Variants in GALNTL6 observed in about 807,000 individuals in gnomAD.
GALNTL6 encodes polypeptide N-acetylgalactosaminyltransferase like 6.
In GALNTL6, 46 loss-of-function variants were observed where a neutral mutation model predicts 73.7. That is an observed-to-expected ratio of 0.62 (90% CI 0.49 to 0.80). GALNTL6 has a LOEUF of 0.80. GALNTL6 is among the 30% of genes least tolerant of loss of function. The pLI is 0.00. For missense variants in GALNTL6, 604 were observed against 755.0 expected, an observed-to-expected ratio of 0.80 and a Z score of 2.34; for synonymous variants, 259 against 263.7, an observed-to-expected ratio of 0.98 and a Z score of 0.17.
chr4:171,940,698 T>A (rs955708455), intron 2 of GALNTL6, among the ~76,000 whole-genome samples: 4 of 151,820 alleles, frequency 2.6e-5, no homozygotes, highest in African/African-American at 7.2e-5. Context: ...GTGGCATGCA[T>A]CTATAATCCA....
chr4:172,337,586 C>G (rs1340230316), intron 4 of GALNTL6, among the ~76,000 whole-genome samples: 1 of 151,422 alleles, frequency 6.6e-6, no homozygotes, highest in Non-Finnish European at 1.5e-5. Flanking sequence ...GGCTATAGGC[C>G]TCAATCTCTT....
intron 5 of GALNTL6, among the ~76,000 whole-genome samples, chr4:172,357,632 T>C (rs1487865762): frequency 0.012 from 89 of 7,646 alleles, no homozygotes; most frequent in African/African-American, 0.016. Context: ...TATATAGATA[T>C]ATACACACAC....
intron 2 of GALNTL6, among the ~76,000 whole-genome samples, chr4:171,967,158 AC>A (rs1292677986): frequency 6.6e-6 from 1 of 152,196 alleles, no homozygotes; most frequent in Non-Finnish European, 1.5e-5. Context: ...GTTTTACATA[AC>A]TGATACCGTA....
chr4:172,903,260 TAA>T (rs139293428), intron 8 of GALNTL6, among the ~76,000 whole-genome samples: 4 of 152,136 alleles, frequency 2.6e-5, no homozygotes, highest in African/African-American at 9.7e-5. Flanking sequence ...CTCTCCTTCC[TAA>T]AAAAAGATGG....
At chr4:172,586,239 A>G (rs990930873) in intron 5 of GALNTL6, among the ~76,000 whole-genome samples, 2 of 152,190 alleles carry the variant, frequency 1.3e-5, no homozygotes, top group African/African-American at 4.8e-5. Context: ...AATAAGTGCT[A>G]ATTTTCTTAC....
At chr4:172,607,760 A>AT (rs764876886) in intron 5 of GALNTL6, among the ~76,000 whole-genome samples, 4 of 151,840 alleles carry the variant, frequency 2.6e-5, no homozygotes, top group African/African-American at 4.8e-5. Context: ...AGCATCTGTT[A>AT]TTTTTTTACT....
chr4:172,919,291 T>C (rs1344203065), intron 8 of GALNTL6, among the ~76,000 whole-genome samples: 1 of 152,238 alleles, frequency 6.6e-6, no homozygotes, highest in African/African-American at 2.4e-5. Flanking sequence ...CAAGTGCTGC[T>C]AGGACCTTTG....
chr4:172,086,040 C>T (rs1732023484), intron 2 of GALNTL6, among the ~76,000 whole-genome samples: 1 of 152,024 alleles, frequency 6.6e-6, no homozygotes, highest in Non-Finnish European at 1.5e-5. Flanking sequence ...GAGAGTTTGT[C>T]TTTGTTTATA....
chr4:173,000,518 T>C (rs562662428), intron 10 of GALNTL6, among the ~76,000 whole-genome samples: 87 of 152,282 alleles, frequency 5.7e-4, no homozygotes, highest in African/African-American at 2.0e-3. Flanking sequence ...TCTATCAAAA[T>C]CTAAATGGAA....
At chr4:172,081,014 C>A (rs1731863103) in intron 2 of GALNTL6, among the ~76,000 whole-genome samples, 1 of 152,086 alleles carries the variant, frequency 6.6e-6, no homozygotes, top group Non-Finnish European at 1.5e-5. Flanking sequence ...TATTTGTAAT[C>A]CATTTCTCAT....
At chr4:172,000,974 T>G (rs1302271574) in intron 2 of GALNTL6, among the ~76,000 whole-genome samples, 1 of 152,164 alleles carries the variant, frequency 6.6e-6, no homozygotes, top group Non-Finnish European at 1.5e-5. Context: ...AGAAAGTTGT[T>G]GAGAAAGATA....
intron 5 of GALNTL6, among the ~76,000 whole-genome samples, chr4:172,569,226 T>G (rs963683847): frequency 1.6e-4 from 24 of 152,262 alleles, no homozygotes; most frequent in African/African-American, 5.5e-4. Context: ...TGGTTACTGG[T>G]GAGGGCCCAC....
At chr4:172,392,063 A>G (rs11931983) in intron 5 of GALNTL6, among the ~76,000 whole-genome samples, 14,607 of 152,060 alleles carry the variant, frequency 0.096, 794 homozygotes, top group East Asian at 0.17. Context: ...ATCTCGGCTC[A>G]CTGCAACCTC....
chr4:172,702,978 GGTT>G (rs1464920231), intron 5 of GALNTL6, among the ~76,000 whole-genome samples: 8 of 151,268 alleles, frequency 5.3e-5, no homozygotes. Flanking sequence ...TAGTTTTTTT[GGTT>G]GTTTTATGTA....
chr4:172,501,079 T>G (rs1029020246), intron 5 of GALNTL6, among the ~76,000 whole-genome samples: 1 of 152,232 alleles, frequency 6.6e-6, no homozygotes, highest in Non-Finnish European at 1.5e-5. Context: ...GAACTAAATA[T>G]ACATGCACAC....
intron 7 of GALNTL6, among the ~76,000 whole-genome samples, chr4:172,818,815 T>C (rs1741756291): frequency 6.6e-6 from 1 of 152,176 alleles, no homozygotes; most frequent in Non-Finnish European, 1.5e-5. Flanking sequence ...GTCAGGCTGG[T>C]CTTGAACTCC....
intron 12 of GALNTL6, among the ~76,000 whole-genome samples, chr4:173,036,268 T>A (rs1244544988): frequency 6.6e-6 from 1 of 152,212 alleles, no homozygotes; most frequent in Non-Finnish European, 1.5e-5. Context: ...TATCTTTGCA[T>A]CTTTAGCATT....
chr4:172,752,588 G>A lies in GALNTL6; in HGVS notation c.554-56773G>A, dbSNP rs556161074. Among the ~76,000 whole-genome samples, 8 of 151,974 alleles carry A rather than the reference G, an allele frequency of 5.3e-5. No homozygotes were observed. In the South Asian group the frequency reaches 1.5e-3, roughly 28 times the overall value. ...AAAGGTTTATATTTTTTACAATTAT[G>A]TTTTTAAAATATTTAATGCATTACT... On this transcript the variant is annotated intron_variant, in intron 5 of 12. Transcript: ENST00000506823.
Position 172,250,426 on chromosome 4 carries a change from T to C in GALNTL6, c.247+20662T>C, listed in dbSNP as rs548219467. Among the ~76,000 whole-genome samples the C allele has an allele frequency of 1.1e-4, 16 of 152,218 alleles. No homozygotes were observed. In the East Asian group the frequency reaches 3.1e-3, roughly 29 times the overall value. On this transcript the variant is annotated intron_variant, in intron 3 of 12. Coordinates refer to ENST00000506823, the MANE Select transcript of GALNTL6 (RefSeq NM_001034845.3). ...TTGGGGGACTGTTGAAAAGGCACGA[T>C]TGTGTTTTAAAATGTGAGGACATGA...
Sources: gnomAD v4.1 joint callset for allele counts (sites outside exome capture counted in the v4.1 genomes callset) on GRCh38, gnomAD v4.1.1 for gene constraint, MANE v1.5 for transcripts, NCBI Gene and HGNC (gene_info 2026-07-23, HGNC 2026-07-21) for gene names.